The following NFE2L2 variants were observed in gnomAD, a reference collection of about 807,000 sequenced individuals.
The protein encoded by NFE2L2 is nuclear factor erythroid 2-related factor 2.
In NFE2L2, 20 loss-of-function variants were observed where a neutral mutation model predicts 49.6. The observed-to-expected ratio is 0.40, with a 90% CI of 0.28 to 0.59. NFE2L2 has a LOEUF of 0.59. NFE2L2 is among the 20% of genes least tolerant of loss of function. The pLI is 0.40. For missense variants in NFE2L2, 578 were observed against 714.2 expected, an observed-to-expected ratio of 0.81 and a Z score of 2.17; for synonymous variants, 244 against 256.5, an observed-to-expected ratio of 0.95 and a Z score of 0.47.
chr2:177,244,976 CAGA>C (rs1204314682), intron 1 of NFE2L2, among the ~76,000 whole-genome samples: 8 of 133,820 alleles, frequency 6.0e-5, no homozygotes, highest in Non-Finnish European at 1.2e-4. Flanking sequence ...GCACTCCAGC[CAGA>C]AGGACAGAGT....
chr2:177,252,791 C>T (rs184355665), intron 1 of NFE2L2, among the ~76,000 whole-genome samples: 2 of 152,310 alleles, frequency 1.3e-5, no homozygotes, highest in Admixed American at 1.3e-4. Flanking sequence ...ATGACAGATC[C>T]TCAATCTGTG....
Position 177,256,499 on chromosome 2 carries a change from C to CAAAAA in NFE2L2, c.45+8028_45+8032dup, listed in dbSNP as rs35073132. 5.2e-4 allele frequency among the ~76,000 whole-genome samples: 39 copies of CAAAAA among 75,006 alleles called. 1 individual carries two copies. Among genetic ancestry groups the CAAAAA allele is most frequent in the African/African-American group, 1.6e-3 (33 of 21,242 alleles). The allele number at this position is 75,006 out of a possible 152,430, so 49.2% of individuals were successfully genotyped here. On this transcript the variant is annotated intron_variant, in intron 1 of 4. Transcript: ENST00000397062. ...ACTCTGAATGTCAGCTACATTCTTG[C>CAAAAA]AAAAAAAAAAAAAAAAAAAAAGGAA...
At chr2:177,233,890 G>C in intron 2 of NFE2L2, 115 bp downstream of exon 2, 1 of 1,390,084 alleles carries the variant, frequency 7.2e-7, no homozygotes. Context: ...AAGTAGATTT[G>C]ACAAGGTTAA....
At chr2:177,260,133 T>C (rs1305368811) in intron 1 of NFE2L2, among the ~76,000 whole-genome samples, 1 of 152,244 alleles carries the variant, frequency 6.6e-6, no homozygotes, top group Non-Finnish European at 1.5e-5. Context: ...CAATAGCTCC[T>C]AGAAATTAGA....
At chr2:177,264,476 A>C in intron 1 of NFE2L2, 56 bp downstream of exon 1, 1 of 1,498,606 alleles carries the variant, frequency 6.7e-7, no homozygotes, top group Non-Finnish European at 8.9e-7. Flanking sequence ...GCGGTTCCCT[A>C]GCTCCCCCGC....
intron 1 of NFE2L2, among the ~76,000 whole-genome samples, chr2:177,245,060 C>T (rs1352728612): frequency 3.3e-5 from 5 of 150,288 alleles, no homozygotes; most frequent in East Asian, 1.9e-4. Flanking sequence ...ATACATCCTT[C>T]GTCTCCCTTC....
chr2:177,239,359 A>C (rs933449483), intron 1 of NFE2L2, among the ~76,000 whole-genome samples: 8 of 152,100 alleles, frequency 5.3e-5, no homozygotes, highest in African/African-American at 1.9e-4. Flanking sequence ...GTGTTCTGAA[A>C]GGTTTTCCTG....
At chr2:177,247,697 A>G (rs974081089) in intron 1 of NFE2L2, among the ~76,000 whole-genome samples, 11 of 152,010 alleles carry the variant, frequency 7.2e-5, no homozygotes, top group East Asian at 3.9e-4. Context: ...AAAAAAAAAA[A>G]AAAAAGAAAA....
chr2:177,235,371 T>C (rs1280621516), intron 1 of NFE2L2, among the ~76,000 whole-genome samples: 2 of 150,824 alleles, frequency 1.3e-5, no homozygotes, highest in African/African-American at 4.9e-5. Context: ...CAGGAGGTCA[T>C]GGCAGCAGTG....
At chr2:177,235,098 C>A (rs1450138062) in intron 1 of NFE2L2, among the ~76,000 whole-genome samples, 1 of 151,510 alleles carries the variant, frequency 6.6e-6, no homozygotes, top group Non-Finnish European at 1.5e-5. Flanking sequence ...GCCTGGGCAA[C>A]AGAGCAAGAC....
At chr2:177,253,189 C>T (rs991531949) in intron 1 of NFE2L2, among the ~76,000 whole-genome samples, 8 of 152,186 alleles carry the variant, frequency 5.3e-5, no homozygotes, top group Admixed American at 3.3e-4. Flanking sequence ...GGCAGTTCCT[C>T]CAGGATATCC....
In NFE2L2 at chr2:177,231,577, A is replaced by G. The variant is rs747873842; in HGVS notation, c.1026T>C (p.Ser342=). 4.7e-5 allele frequency: 76 copies of G among 1,614,118 alleles called. No individual in the cohort carries two copies. Among genetic ancestry groups the G allele is most frequent in the Non-Finnish European group, 6.4e-5 (75 of 1,180,038 alleles). Residue 342 remains serine (S), a synonymous_variant, in exon 5 of 5, where the codon TCT becomes TCC. Coordinates refer to ENST00000397062, the MANE Select transcript of NFE2L2 (RefSeq NM_006164.5). ...TTGTGTTTAGTGAAATGCCGGAGTCAGAATCATTGAATTCTGCTGTGCTTT... is the reference window on the plus strand; with the variant it reads ...TTGTGTTTAGTGAAATGCCGGAGTCGGAATCATTGAATTCTGCTGTGCTTT... The part of the protein sequence containing the change: ...HPESTAEFND[S]DSGISLNTSP...
At position 177,231,472 on chromosome 2, in the gene NFE2L2, T is replaced by C; in HGVS notation, c.1131A>G (p.Glu377=). The C allele has an allele frequency of 6.2e-7, 1 of 1,614,248 alleles. No homozygotes were observed. Among genetic ancestry groups the C allele is most frequent in the Non-Finnish European group, 8.5e-7 (1 of 1,180,034 alleles). Residue 377 remains glutamate, a synonymous_variant, in exon 5 of 5, where the codon GAA becomes GAG. Transcript: ENST00000397062. ...CAGGGGCACTATCTAGCTCTTCCACTTCAGAATCACTGAGGCCAAGTAGTG... is the reference window on the plus strand; with the variant it reads ...CAGGGGCACTATCTAGCTCTTCCACCTCAGAATCACTGAGGCCAAGTAGTG... ...GDTLLGLSDS[E]VEELDSAPGS... is the part of the protein sequence containing the mutation.
In NFE2L2 at chr2:177,233,344, T is replaced by C; in HGVS notation, c.313-5A>G. On this transcript the variant is annotated splice_polypyrimidine_tract_variant and splice_region_variant and intron_variant, in intron 2 of 4. Coordinates refer to ENST00000397062, the MANE Select transcript of NFE2L2 (RefSeq NM_006164.5). ...TGATTTGGGAATGTGGGCAACCTGA[T>C]AAAAGGGAATGACACAAAGGAAAAC... 1 of 1,606,208 alleles carries C rather than the reference T, an allele frequency of 6.2e-7. No individual in the cohort carries two copies. The highest frequency in any genetic ancestry group is 8.5e-7 in the Non-Finnish European group (1 of 1,176,752).
chr2:177,233,106 G>C, intron 3 of NFE2L2, 144 bp downstream of exon 3: 3 of 675,774 alleles, frequency 4.4e-6, no homozygotes, highest in Non-Finnish European at 7.4e-6. Flanking sequence ...CTTGACAAGA[G>C]TATTTCCTTG....
chr2:177,261,963 G>C (rs1261625029), intron 1 of NFE2L2, among the ~76,000 whole-genome samples: 1 of 152,054 alleles, frequency 6.6e-6, no homozygotes, highest in Non-Finnish European at 1.5e-5. Context: ...CAAATATTAA[G>C]AAAAATGATG....
In NFE2L2 at chr2:177,232,677, C is replaced by T. The variant is rs1689596645; in HGVS notation, c.403-94G>A. The T allele has an allele frequency of 2.4e-6, 3 of 1,236,038 alleles. No individual in the cohort carries two copies. In the Admixed American group the frequency reaches 6.5e-5, roughly 27 times the overall value. 76.6% of individuals were successfully genotyped at this position (1,236,038 alleles called of 1,614,324 possible). A position where few individuals can be genotyped will look rare whatever the true frequency, so the allele number is the denominator to read the frequency against. On this transcript the variant is annotated intron_variant, in intron 3 of 4. Transcript: ENST00000397062. ...CTACAAAACAAAATGGAATCAGCTGCAGTTCTGTGTCTCTCTACTTACTAA... is the reference window on the plus strand; with the variant it reads ...CTACAAAACAAAATGGAATCAGCTGTAGTTCTGTGTCTCTCTACTTACTAA...
Position 177,232,544 on chromosome 2 carries a change from G to A in NFE2L2, c.442C>T (p.Pro148Ser). ...AAGACTGGGCTCTCGATGTGACCGG[G>A]AATATCAGGAACAAGTGACTGAAAC... ...ATFQSLVPDI[P>S]GHIESPVFIA... is the part of the protein sequence containing the mutation. The change falls in exon 4 of 5, where the codon CCC becomes TCC. Residue 148 changes from proline to serine, a missense_variant. Around this residue, in one of 3 missense-constraint regions of NFE2L2, gnomAD observed 368 missense variants for 384.6 expected, o/e 0.96. Coordinates refer to ENST00000397062, the MANE Select transcript of NFE2L2 (RefSeq NM_006164.5). 6.2e-7 allele frequency: 1 copy of A among 1,614,064 alleles called. No homozygotes were observed. Among genetic ancestry groups the A allele is most frequent in the Non-Finnish European group, 8.5e-7 (1 of 1,179,964 alleles).
chr2:177,263,665 C>T (rs1261192338), intron 1 of NFE2L2: 7 of 985,518 alleles, frequency 7.1e-6, no homozygotes, highest in Non-Finnish European at 7.2e-6. Flanking sequence ...CCAGGGGGCA[C>T]CGCGTCCGAA....
Sources: gnomAD v4.1 joint callset for allele counts (sites outside exome capture counted in the v4.1 genomes callset) on GRCh38, gnomAD v4.1.1 for gene constraint, gnomAD v4.1.1 regional missense constraint, MANE v1.5 for transcripts, NCBI Gene and HGNC (gene_info 2026-07-23, HGNC 2026-07-21) for gene names.